The following HFM1 variants were observed in gnomAD, a reference collection of about 807,000 sequenced individuals.
HFM1 encodes probable ATP-dependent DNA helicase HFM1.
In HFM1, 169 loss-of-function variants were observed where a neutral mutation model predicts 192.1. The observed-to-expected ratio is 0.88, with a 90% CI of 0.78 to 1.00. HFM1 has a LOEUF of 1.00. Ranked by LOEUF, HFM1 falls within the 50% of genes least tolerant of loss-of-function variation. HFM1 has a pLI of 0.00. For missense variants in HFM1, 1,661 were observed against 1,668.0 expected, an observed-to-expected ratio of 1.00 and a Z score of 0.07; for synonymous variants, 525 against 537.8, an observed-to-expected ratio of 0.98 and a Z score of 0.33.
chr1:91,397,908 C>G lies in HFM1; in HGVS notation c.72-1503G>C, dbSNP rs188287497. Among the ~76,000 whole-genome samples, 25 of 152,276 alleles carry G rather than the reference C, an allele frequency of 1.6e-4. No homozygotes were observed. In the East Asian group the frequency reaches 4.6e-3, roughly 28 times the overall value. ...AGGGAAGCTCTTCAGGGACCCAATGCCCAGGTTTTTATTGGGGGCTAACAT... is the reference window on the plus strand; with the variant it reads ...AGGGAAGCTCTTCAGGGACCCAATGGCCAGGTTTTTATTGGGGGCTAACAT... On this transcript the variant is annotated intron_variant, in intron 2 of 38. Transcript: ENST00000370425.
At chr1:91,388,386 T>G (rs1006626878) in intron 4 of HFM1, among the ~76,000 whole-genome samples, 2 of 152,192 alleles carry the variant, frequency 1.3e-5, no homozygotes, top group African/African-American at 4.8e-5. Flanking sequence ...TCAAATTGAT[T>G]TAAATTGTTA....
chr1:91,394,361 T>C lies in HFM1; in HGVS notation c.226A>G (p.Ile76Val), dbSNP rs774550781. ...RPKMLTSNLKITNEDTNYISL... is the reference protein window; with the variant it reads ...RPKMLTSNLKVTNEDTNYISL... Reference sequence around the variant, plus strand: ...ATATAATTTGTATCTTCATTAGTTATCTTTAAATTTGATGTTAACATTTTT... The same window carrying C: ...ATATAATTTGTATCTTCATTAGTTACCTTTAAATTTGATGTTAACATTTTT... Residue 76 changes from isoleucine to valine, a missense_variant, in exon 4 of 39, where the codon ATA (isoleucine) becomes GTA (valine). Transcript: ENST00000370425. 2 of 1,563,234 alleles carry C rather than the reference T, an allele frequency of 1.3e-6. No homozygotes were observed. Among genetic ancestry groups the C allele is most frequent in the Non-Finnish European group, 1.8e-6 (2 of 1,140,274 alleles).
At chr1:91,261,732 C>G (rs2100651153) in intron 38 of HFM1, 1 of 159,524 alleles carries the variant, frequency 6.3e-6, no homozygotes, top group South Asian at 2.0e-4. Context: ...TAAACAAAAG[C>G]AAAACAGTGT....
intron 17 of HFM1, among the ~76,000 whole-genome samples, chr1:91,351,202 GT>G (rs1259356995): frequency 4.6e-5 from 7 of 151,692 alleles, no homozygotes; most frequent in African/African-American, 1.7e-4. Context: ...AAAATAAGAA[GT>G]GAAAATGATA....
In HFM1 at chr1:91,364,333, C is replaced by T. The variant is rs528290047; in HGVS notation, c.1685+11025G>A. On this transcript the variant is annotated intron_variant, in intron 13 of 38. Transcript: ENST00000370425. ...GTGGAAAAAAGGGAATCCTAGTACA[C>T]TGTTGGTGGGAATGCAGATTGGTAC... Among the ~76,000 whole-genome samples, 5 of 151,950 alleles carry T rather than the reference C, an allele frequency of 3.3e-5. No individual in the cohort carries two copies. The East Asian group carries it at 9.7e-4, about 29-fold the overall frequency.
At chr1:91,366,181 A>G (rs1659285985) in intron 13 of HFM1, among the ~76,000 whole-genome samples, 1 of 152,162 alleles carries the variant, frequency 6.6e-6, no homozygotes, top group African/African-American at 2.4e-5. Context: ...AAAAAGGGAG[A>G]GGATAAATTG....
rs146051438 is a variant in HFM1 at position 91,380,982 on chromosome 1, G to A, written c.803C>T (p.Pro268Leu). The A allele has an allele frequency of 5.1e-5, 72 of 1,410,960 alleles. No homozygotes were observed. Among genetic ancestry groups the A allele is most frequent in the African/African-American group, 8.5e-5 (6 of 70,690 alleles). The allele number at this position is 1,410,960 out of a possible 1,614,324, so 87.4% of individuals were successfully genotyped here. A position where few individuals can be genotyped will look rare whatever the true frequency, so the allele number is the denominator to read the frequency against. ...TTTGAAAATACTTCTAAATTTTGCC[G>A]CTTACAATAACATTAAGGAGTCAAA... ...LGSLKAVTEI[P>L]AKFRSIFKEF... Residue 268 changes from proline (P) to leucine (L), a missense_variant and splice_region_variant, in exon 7 of 39, where the codon CCG becomes CTG. Physicochemically the swap from Pro to Leu is moderately conservative, Grantham distance 98. Coordinates refer to ENST00000370425, the MANE Select transcript of HFM1 (RefSeq NM_001017975.6).
chr1:91,261,232 C>A lies in HFM1; in HGVS notation c.*58G>T. 1.4e-6 allele frequency: 1 copy of A among 700,290 alleles called. No individual in the cohort carries two copies. The highest frequency in any genetic ancestry group is 2.1e-6 in the Non-Finnish European group (1 of 471,434). 43.4% of individuals were successfully genotyped at this position (700,290 alleles called of 1,614,324 possible). On this transcript the variant is annotated 3_prime_UTR_variant, in exon 39 of 39. Coordinates refer to ENST00000370425, the MANE Select transcript of HFM1 (RefSeq NM_001017975.6). ...CTACTTTTTAAAAATAAAAAGCATGCTTTGTGATTAGGTGTCTTTATTCTT... is the reference window on the plus strand; with the variant it reads ...CTACTTTTTAAAAATAAAAAGCATGATTTGTGATTAGGTGTCTTTATTCTT...
intron 30 of HFM1, among the ~76,000 whole-genome samples, chr1:91,277,852 T>TTATATATACTTTATATATATAA (rs1667057537): frequency 8.4e-6 from 1 of 118,478 alleles, no homozygotes; most frequent in Admixed American, 1.1e-4. Flanking sequence ...CTAATATATA[T>TTATATATACTTTATATATATAA]TATATATACT....
chr1:91,394,128 T>C lies in HFM1; in HGVS notation c.459A>G (p.Glu153=). Residue 153 remains glutamate (E), a synonymous_variant, in exon 4 of 39, where the codon GAA becomes GAG. Coordinates refer to ENST00000370425, the MANE Select transcript of HFM1 (RefSeq NM_001017975.6). The part of the protein sequence containing the change: ...PDDTKLVNFA[E]DKGESTSVFR... Reference sequence around the variant, plus strand: ...ATACTGATGTGCTCTCTCCTTTATCTTCTGCAAAATTAACTAATTTTGTAT... The same window carrying C: ...ATACTGATGTGCTCTCTCCTTTATCCTCTGCAAAATTAACTAATTTTGTAT... 1 of 1,602,804 alleles carries C rather than the reference T, an allele frequency of 6.2e-7. No homozygotes were observed. The highest frequency in any genetic ancestry group is 8.5e-7 in the Non-Finnish European group (1 of 1,171,822).
Position 91,394,286 on chromosome 1 carries a change from G to A in HFM1, c.301C>T (p.Gln101Ter). 6.3e-7 allele frequency: 1 copy of A among 1,592,604 alleles called. No homozygotes were observed. Among genetic ancestry groups the A allele is most frequent in the Non-Finnish European group, 8.6e-7 (1 of 1,160,678 alleles). The change falls in exon 4 of 39, where the codon CAG (glutamine) becomes TAG (stop). Residue 101 changes from glutamine (Q) to a stop codon, truncating the protein, a stop_gained. Coordinates refer to ENST00000370425, the MANE Select transcript of HFM1 (RefSeq NM_001017975.6). LOFTEE classifies it high-confidence loss of function. ...QFAFPSDKYE[Q>*]DDLNLEGVGN... ...ACCCCTTCTAAATTTAGATCATCCT[G>A]TTCATATTTATCAGAAGGAAAGGCA...
intron 13 of HFM1, among the ~76,000 whole-genome samples, chr1:91,369,872 G>C (rs1659921117): frequency 6.6e-6 from 1 of 151,748 alleles, no homozygotes. Flanking sequence ...AAAGAGAGAA[G>C]AATCAAATAG....
At position 91,353,250 on chromosome 1, in the gene HFM1, A is replaced by T. The variant is rs1557899249; in HGVS notation, c.1729+6T>A. On this transcript the variant is annotated splice_donor_region_variant and intron_variant, in intron 14 of 38. Coordinates refer to ENST00000370425, the MANE Select transcript of HFM1 (RefSeq NM_001017975.6). ...AATGCTATTCAAAAATTATCTCTAA[A>T]CCTACCTCTCAGTTTTGAATCTCTT... 1 of 1,584,396 alleles carries T rather than the reference A, an allele frequency of 6.3e-7. No individual in the cohort carries two copies. The highest frequency in any genetic ancestry group is 8.7e-7 in the Non-Finnish European group (1 of 1,155,368).
chr1:91,319,698 A>C (rs1202303511), intron 23 of HFM1, among the ~76,000 whole-genome samples: 2 of 152,146 alleles, frequency 1.3e-5, no homozygotes, highest in Non-Finnish European at 2.9e-5. Context: ...TACAAATTAC[A>C]GGAGACTTTC....
At chr1:91,361,766 C>T (rs920947897) in intron 13 of HFM1, among the ~76,000 whole-genome samples, 1 of 152,110 alleles carries the variant, frequency 6.6e-6, no homozygotes, top group Non-Finnish European at 1.5e-5. Context: ...AAACGTCAGG[C>T]CAATATCCTT....
chr1:91,385,002 C>A (rs1013253710), intron 6 of HFM1, among the ~76,000 whole-genome samples, 185 bp downstream of exon 6: 6 of 152,108 alleles, frequency 3.9e-5, no homozygotes, highest in African/African-American at 7.2e-5. Context: ...CTCAGCCTCC[C>A]AAAGTGCTGG....
At position 91,285,686 on chromosome 1, in the gene HFM1, C is replaced by T. The variant is rs567248740; in HGVS notation, c.3392-8624G>A. Reference sequence around the variant, plus strand: ...ATTTGGATGATTACATACAGTAGCCCCCTTCATCCATGATTTTGCTTTCCA... The same window carrying T: ...ATTTGGATGATTACATACAGTAGCCTCCTTCATCCATGATTTTGCTTTCCA... On this transcript the variant is annotated intron_variant, in intron 30 of 38. Transcript: ENST00000370425. Among the ~76,000 whole-genome samples, 387 of 152,236 alleles carry T rather than the reference C, an allele frequency of 2.5e-3. 3 individuals are homozygous for T. Among genetic ancestry groups the T allele is most frequent in the Admixed American group, 6.4e-3 (98 of 15,290 alleles).
rs1348453631 is a variant in HFM1, at chr1:91,342,331, T to C, written c.2335+1099A>G. Among the ~76,000 whole-genome samples the C allele has an allele frequency of 6.6e-5, 10 of 152,170 alleles. 2 individuals carry two copies. Among genetic ancestry groups the C allele is most frequent in the Admixed American group, 5.9e-4 (9 of 15,272 alleles). ...TCTTGGCTTATTGAATATTTTAAGC[T>C]GTAGGAATTTGAGAAACAACATGTA... On this transcript the variant is annotated intron_variant, in intron 20 of 38. Transcript: ENST00000370425.
chr1:91,386,661 C>T (rs1362979327), intron 4 of HFM1, among the ~76,000 whole-genome samples: 1 of 152,048 alleles, frequency 6.6e-6, no homozygotes, highest in Non-Finnish European at 1.5e-5. Context: ...AGAGAAAAAG[C>T]CACTAAATAT....
Sources: gnomAD v4.1 joint callset for allele counts (sites outside exome capture counted in the v4.1 genomes callset) on GRCh38, gnomAD v4.1.1 for gene constraint, MANE v1.5 for transcripts, NCBI Gene and HGNC (gene_info 2026-07-23, HGNC 2026-07-21) for gene names.